Variants in PAPPA2 observed in about 807,000 individuals in gnomAD.
PAPPA2 encodes pappalysin-2.
PAPPA2 carries 86 observed loss-of-function variants against 176.4 expected under a neutral mutation model. The ratio of observed to expected loss-of-function variants is 0.49; its 90% CI spans 0.41 to 0.58. The LOEUF (loss-of-function observed/expected upper bound fraction) is 0.58. Among genes scored for constraint, PAPPA2 ranks in the 20% least tolerant of loss-of-function variants. PAPPA2 has a pLI of 0.00. For synonymous variants in PAPPA2, 809 were observed against 852.2 expected, an observed-to-expected ratio of 0.95 and a Z score of 0.88; for missense variants, 2,073 against 2,256.9, an observed-to-expected ratio of 0.92 and a Z score of 1.65.
intron 3 of PAPPA2, among the ~76,000 whole-genome samples, chr1:176,604,591 G>A (rs1654512871): frequency 6.6e-6 from 1 of 152,156 alleles, no homozygotes; most frequent in Non-Finnish European, 1.5e-5. Flanking sequence ...GAGTTGTGCA[G>A]TTAAAACAAA....
At chr1:176,613,986 A>G (rs986371708) in intron 3 of PAPPA2, among the ~76,000 whole-genome samples, 1 of 152,160 alleles carries the variant, frequency 6.6e-6, no homozygotes, top group Non-Finnish European at 1.5e-5. Context: ...ACAAAGAACT[A>G]TATGCCCATG....
At chr1:176,527,237 T>G (rs1276855369) in intron 1 of PAPPA2, among the ~76,000 whole-genome samples, 1 of 152,180 alleles carries the variant, frequency 6.6e-6, no homozygotes. Flanking sequence ...AGCCAGTGGA[T>G]GCCACCACAG....
chr1:176,609,522 A>T (rs1654793185), intron 3 of PAPPA2, among the ~76,000 whole-genome samples: 1 of 152,204 alleles, frequency 6.6e-6, no homozygotes, highest in Admixed American at 6.5e-5. Context: ...TACTGAAAAG[A>T]TGATATTTGA....
intron 1 of PAPPA2, among the ~76,000 whole-genome samples, chr1:176,550,924 G>A (rs961644443): frequency 2.0e-5 from 3 of 152,168 alleles, no homozygotes; most frequent in African/African-American, 4.8e-5. Flanking sequence ...GCCAGTGTTC[G>A]ATACTGCCTT....
intron 21 of PAPPA2, among the ~76,000 whole-genome samples, chr1:176,838,616 T>A (rs1667365049): frequency 6.6e-6 from 1 of 152,258 alleles, no homozygotes; most frequent in Non-Finnish European, 1.5e-5. Flanking sequence ...ACTTTGATTA[T>A]TTGGCTGCAG....
chr1:176,661,690 T>G (rs1057185537), intron 3 of PAPPA2, among the ~76,000 whole-genome samples: 47 of 151,950 alleles, frequency 3.1e-4, no homozygotes, highest in Non-Finnish European at 4.1e-4. Flanking sequence ...CCCAGTCACC[T>G]TTTAACTCTA....
At chr1:176,589,001 A>C (rs1483967623) in intron 2 of PAPPA2, among the ~76,000 whole-genome samples, 1 of 152,242 alleles carries the variant, frequency 6.6e-6, no homozygotes, top group East Asian at 1.9e-4. Context: ...CATAGTAGAC[A>C]AATTATAAAA....
intron 1 of PAPPA2, among the ~76,000 whole-genome samples, chr1:176,544,499 T>G (rs2102571034): frequency 6.6e-6 from 1 of 152,306 alleles, no homozygotes; most frequent in Admixed American, 6.5e-5. Context: ...CCTCAAATAC[T>G]TTCGAGTAGG....
In PAPPA2 at chr1:176,633,681, T is replaced by C. The variant is rs574297112; in HGVS notation, c.1992-37289T>C. On this transcript the variant is annotated intron_variant, in intron 3 of 22. Transcript: ENST00000367662. ...GGCAACCTACAGAATGGGAGAAAAT[T>C]TTTGCAATCTACTCATCTGACAAAG... 3.2e-4 allele frequency among the ~76,000 whole-genome samples: 48 copies of C among 152,160 alleles called. No individual in the cohort carries two copies. The East Asian group carries it at 8.5e-3, about 27-fold the overall frequency.
At chr1:176,656,663 T>G (rs1282222636) in intron 3 of PAPPA2, among the ~76,000 whole-genome samples, 1 of 151,900 alleles carries the variant, frequency 6.6e-6, no homozygotes, top group African/African-American at 2.4e-5. Flanking sequence ...TCTTTTGTGC[T>G]TCTTCTCTCT....
chr1:176,517,653 G>A (rs1261151920), intron 1 of PAPPA2, among the ~76,000 whole-genome samples: 1 of 152,104 alleles, frequency 6.6e-6, no homozygotes, highest in Non-Finnish European at 1.5e-5. Context: ...CAAGATAGAG[G>A]CTCAGCTTTT....
chr1:176,608,416 A>T (rs1654731971), intron 3 of PAPPA2, among the ~76,000 whole-genome samples: 1 of 152,188 alleles, frequency 6.6e-6, no homozygotes, highest in African/African-American at 2.4e-5. Flanking sequence ...AACCACTTTA[A>T]AATATATTAT....
chr1:176,559,132 A>G (rs1029889730), intron 2 of PAPPA2, among the ~76,000 whole-genome samples: 4 of 152,000 alleles, frequency 2.6e-5, no homozygotes, highest in African/African-American at 9.7e-5. Flanking sequence ...CCCTGCCAAC[A>G]CTGCCACAGC....
intron 1 of PAPPA2, among the ~76,000 whole-genome samples, chr1:176,522,524 C>A (rs1290147055): frequency 6.6e-6 from 1 of 152,212 alleles, no homozygotes; most frequent in African/African-American, 2.4e-5. Flanking sequence ...AGACAGTTGT[C>A]CCCCAAGAGA....
chr1:176,638,945 T>C (rs1030233089), intron 3 of PAPPA2, among the ~76,000 whole-genome samples: 5 of 131,256 alleles, frequency 3.8e-5, no homozygotes, highest in South Asian at 2.1e-4. Context: ...TGTGCGTGTG[T>C]GTGTGTGTGT....
chr1:176,713,339 A>G (rs1049752658), intron 12 of PAPPA2, among the ~76,000 whole-genome samples: 1 of 152,208 alleles, frequency 6.6e-6, no homozygotes, highest in African/African-American at 2.4e-5. Flanking sequence ...AATGTTATAT[A>G]GAGATGGAGT....
At chr1:176,634,614 A>T (rs1033564688) in intron 3 of PAPPA2, among the ~76,000 whole-genome samples, 1 of 151,460 alleles carries the variant, frequency 6.6e-6, no homozygotes, top group African/African-American at 2.4e-5. Context: ...ATAAAATAAA[A>T]AAAAACACTT....
chr1:176,557,119 C>G lies in PAPPA2; in HGVS notation c.797C>G (p.Ser266Cys). The G allele has an allele frequency of 1.2e-6, 2 of 1,613,872 alleles. No homozygotes were observed. ...GTAGGACTGCCCATCTTATACTTCT[C>G]TGGGAGGCGGGAGCGGCTGCTGCTG... ...SQVGLPILYF[S>C]GRRERLLLRP... The change falls in exon 2 of 23, where the codon TCT (serine) becomes TGT (cysteine). Residue 266 changes from serine (S) to cysteine (C), a missense_variant. Transcript: ENST00000367662.
chr1:176,677,622 C>A (rs1392610073), intron 4 of PAPPA2, among the ~76,000 whole-genome samples: 2 of 152,054 alleles, frequency 1.3e-5, no homozygotes, highest in Non-Finnish European at 2.9e-5. Flanking sequence ...AGTCGTAAAC[C>A]AGCCCTTTTA....
Sources: allele counts gnomAD v4.1 joint callset (sites outside exome capture counted in the v4.1 genomes callset), GRCh38; gene constraint gnomAD v4.1.1; transcripts MANE v1.5; gene names NCBI Gene and HGNC (gene_info 2026-07-23, HGNC 2026-07-21).